The following TSPEAR variants were observed in gnomAD, a reference collection of about 807,000 sequenced individuals.
TSPEAR encodes the protein thrombospondin type laminin G domain and EAR repeats.
A neutral mutation model predicts 71.6 loss-of-function variants in TSPEAR; 69 were observed. The ratio of observed to expected loss-of-function variants is 0.96; its 90% CI spans 0.79 to 1.18. TSPEAR has a LOEUF of 1.18. Among genes scored for constraint, TSPEAR ranks in the 50% most tolerant of loss-of-function variants. TSPEAR has a pLI of 0.00. For synonymous variants in TSPEAR, 402 were observed against 387.2 expected (o/e 1.04, Z -0.45); for missense variants, 971 against 894.9 (o/e 1.09, Z -1.09).
intron 2 of TSPEAR, among the ~76,000 whole-genome samples, chr21:44,534,180 G>A (rs1257991056): frequency 5.3e-5 from 3 of 56,842 alleles, no homozygotes; most frequent in African/African-American, 2.0e-4. Context: ...GTGAGGGGGC[G>A]GGGCTGGTGT....
At position 44,586,525 on chromosome 21, in the gene TSPEAR, G is replaced by A. The variant is rs148867536; in HGVS notation, c.83-18520C>T. On this transcript the variant is annotated intron_variant, in intron 1 of 11. Coordinates refer to ENST00000323084, the MANE Select transcript of TSPEAR (RefSeq NM_144991.3). ...CCTGCTGCAAGGACATAATCCATTT[G>A]TTTTTAGCGTATTCCCAGTGTTTCT... Among the ~76,000 whole-genome samples, 395 of 152,234 alleles carry A rather than the reference G, an allele frequency of 2.6e-3. 4 individuals are homozygous for A. Among genetic ancestry groups the A allele is most frequent in the African/African-American group, 8.9e-3 (370 of 41,516 alleles).
intron 2 of TSPEAR, among the ~76,000 whole-genome samples, chr21:44,549,589 C>T (rs1370684247): frequency 6.6e-6 from 1 of 152,232 alleles, no homozygotes; most frequent in Non-Finnish European, 1.5e-5. Context: ...GGGCCTCTTG[C>T]GGGCAACGTG....
chr21:44,669,623 G>A (rs1279296157), intron 1 of TSPEAR, among the ~76,000 whole-genome samples: 4 of 152,076 alleles, frequency 2.6e-5, no homozygotes, highest in Non-Finnish European at 5.9e-5. Context: ...CTGCCAGGCT[G>A]AAAACCGAGA....
intron 4 of TSPEAR, among the ~76,000 whole-genome samples, chr21:44,530,789 T>A (rs1383040987): frequency 6.6e-6 from 1 of 151,726 alleles, no homozygotes; most frequent in African/African-American, 2.4e-5. Flanking sequence ...CAGGGCAGAG[T>A]GTGGGCATCA....
chr21:44,670,821 G>T (rs931334783), intron 1 of TSPEAR, among the ~76,000 whole-genome samples: 1 of 152,150 alleles, frequency 6.6e-6, no homozygotes, highest in Non-Finnish European at 1.5e-5. Flanking sequence ...AACAGATCTT[G>T]TATCTCCACA....
chr21:44,625,187 G>A (rs1555934087), intron 1 of TSPEAR, among the ~76,000 whole-genome samples: 1 of 152,238 alleles, frequency 6.6e-6, no homozygotes, highest in Non-Finnish European at 1.5e-5. Flanking sequence ...CAGAGACTGA[G>A]TGGTGAACAA....
intron 2 of TSPEAR, among the ~76,000 whole-genome samples, chr21:44,565,230 A>G (rs1330746601): frequency 6.7e-6 from 1 of 148,998 alleles, no homozygotes; most frequent in East Asian, 1.9e-4. Flanking sequence ...CTGGAGAAAG[A>G]AGAGCCAACT....
chr21:44,701,400 G>T (rs1487784755), intron 1 of TSPEAR, among the ~76,000 whole-genome samples: 1 of 152,184 alleles, frequency 6.6e-6, no homozygotes, highest in Non-Finnish European at 1.5e-5. Context: ...ACTTTTCCAC[G>T]GACTGGGGAG....
rs144955978 is a variant in TSPEAR, at chr21:44,522,598, G to A, written c.1337-486C>T. ...GTTGGGTCTGGGAGGTCCTGCAGGC[G>A]GAGAGATGCCCCCAGACCCAGGCCG... On this transcript the variant is annotated intron_variant, in intron 8 of 11. Coordinates refer to ENST00000323084, the MANE Select transcript of TSPEAR (RefSeq NM_144991.3). 2.6e-4 allele frequency among the ~76,000 whole-genome samples: 40 copies of A among 152,358 alleles called. 3 individuals are homozygous for A. The highest frequency in any genetic ancestry group is 6.8e-3 in the Middle Eastern group (2 of 294).
At chr21:44,579,881 C>A (rs1314682031) in intron 1 of TSPEAR, 9 of 1,599,186 alleles carry the variant, frequency 5.6e-6, no homozygotes, top group Non-Finnish European at 6.0e-6. Context: ...GGGCAGGCAG[C>A]AGGCGGGCCT....
intron 9 of TSPEAR, among the ~76,000 whole-genome samples, chr21:44,512,624 G>A (rs587763025): frequency 1.3e-4 from 20 of 152,302 alleles, no homozygotes; most frequent in African/African-American, 3.6e-4. Flanking sequence ...TGCGCGAGAC[G>A]GGCAGTCTGG....
chr21:44,649,511 CT>C (rs1443333008), intron 1 of TSPEAR, among the ~76,000 whole-genome samples: 4 of 152,180 alleles, frequency 2.6e-5, no homozygotes, highest in African/African-American at 9.7e-5. Context: ...ACAGCACCCC[CT>C]CCAGGCAAAT....
At chr21:44,682,579 G>T (rs1178372460) in intron 1 of TSPEAR, among the ~76,000 whole-genome samples, 1 of 152,256 alleles carries the variant, frequency 6.6e-6, no homozygotes, top group Non-Finnish European at 1.5e-5. Flanking sequence ...ACCTGCTGGA[G>T]TGAGTGATGC....
chr21:44,624,885 C>T (rs1277217652), intron 1 of TSPEAR, among the ~76,000 whole-genome samples: 1 of 152,156 alleles, frequency 6.6e-6, no homozygotes, highest in Non-Finnish European at 1.5e-5. Flanking sequence ...GGGATTCACT[C>T]ACTCAAGTCT....
chr21:44,511,268 GCATA>G lies in TSPEAR; in HGVS notation c.1567-1886_1567-1883del, dbSNP rs199564959. ...CCCATACCTGCACACCTGCATGTATGCATACATACACAAACATGGATGTGCACTG... is the reference window on the plus strand; with the variant it reads ...CCCATACCTGCACACCTGCATGTATGCATACACAAACATGGATGTGCACTG... On this transcript the variant is annotated intron_variant, in intron 9 of 11. Transcript: ENST00000323084. Among the ~76,000 whole-genome samples, 1,209 of 152,308 alleles carry G rather than the reference GCATA, an allele frequency of 7.9e-3. 10 individuals are homozygous for G. Among genetic ancestry groups the G allele is most frequent in the Non-Finnish European group, 9.1e-3 (620 of 68,022 alleles).
At chr21:44,570,390 G>A (rs1601426931) in intron 1 of TSPEAR, among the ~76,000 whole-genome samples, 1 of 152,222 alleles carries the variant, frequency 6.6e-6, no homozygotes, top group African/African-American at 2.4e-5. Flanking sequence ...AGCCTCGGCA[G>A]TGCTGGGTGG....
chr21:44,568,759 G>A (rs1285680575), intron 1 of TSPEAR, among the ~76,000 whole-genome samples: 2 of 152,190 alleles, frequency 1.3e-5, no homozygotes, highest in African/African-American at 4.8e-5. Flanking sequence ...CACTGCAGCT[G>A]GCCCCAGCCT....
At chr21:44,688,717 A>C (rs1232091149) in intron 1 of TSPEAR, among the ~76,000 whole-genome samples, 1 of 152,112 alleles carries the variant, frequency 6.6e-6, no homozygotes, top group East Asian at 1.9e-4. Context: ...TCAAAGAAAA[A>C]AAAATGAAAA....
intron 1 of TSPEAR, among the ~76,000 whole-genome samples, chr21:44,680,040 A>T (rs1986504667): frequency 6.6e-6 from 1 of 152,222 alleles, no homozygotes; most frequent in African/African-American, 2.4e-5. Context: ...GACAAATGAG[A>T]TTATATTAAA....
Sources: gnomAD v4.1 joint callset for allele counts (sites outside exome capture counted in the v4.1 genomes callset) on GRCh38, gnomAD v4.1.1 for gene constraint, MANE v1.5 for transcripts, NCBI Gene and HGNC (gene_info 2026-07-23, HGNC 2026-07-21) for gene names.